SAMD12: variants seen among roughly 807,000 people sequenced by gnomAD.
The protein encoded by SAMD12 is sterile alpha motif domain-containing protein 12.
A neutral mutation model predicts 15.0 loss-of-function variants in SAMD12; 9 were observed. The ratio of observed to expected loss-of-function variants is 0.60; its 90% CI spans 0.36 to 1.05. The LOEUF is 1.05. Ranked by LOEUF, SAMD12 falls within the 50% of genes least tolerant of loss-of-function variation. The pLI, the probability that SAMD12 is intolerant of heterozygous loss-of-function variation, is 0.01. For synonymous variants in SAMD12, 86 were observed against 90.1 expected, an observed-to-expected ratio of 0.96 and a Z score of 0.25; for missense variants, 230 against 234.2, an observed-to-expected ratio of 0.98 and a Z score of 0.12.
Position 118,228,228 on chromosome 8 carries a change from A to G in SAMD12, c.434-30496T>C, listed in dbSNP as rs923559841. Reference sequence around the variant, plus strand: ...CTTGTGGATATTGGCTTGGGCAAGGATTTCATGACCAAGAACCCAAAAGCA... The same window carrying G: ...CTTGTGGATATTGGCTTGGGCAAGGGTTTCATGACCAAGAACCCAAAAGCA... On this transcript the variant is annotated intron_variant, in intron 4 of 4. Coordinates refer to the SAMD12 transcript ENST00000409003. Among the ~76,000 whole-genome samples the G allele has an allele frequency of 2.6e-5, 4 of 152,330 alleles. 1 individual carries two copies.
At chr8:118,290,556 G>T (rs552246196) in intron 4 of SAMD12, among the ~76,000 whole-genome samples, 24 of 152,236 alleles carry the variant, frequency 1.6e-4, no homozygotes, top group African/African-American at 5.8e-4. Context: ...TCACAAATTA[G>T]TCAAAACATC....
intron 1 of SAMD12, among the ~76,000 whole-genome samples, chr8:118,603,099 T>C (rs1416698617): frequency 6.6e-6 from 1 of 151,404 alleles, no homozygotes; most frequent in African/African-American, 2.4e-5. Context: ...AAATAAAAAA[T>C]AACAGATGAA....
intron 2 of SAMD12, among the ~76,000 whole-genome samples, chr8:118,525,883 A>C (rs1825523503): frequency 6.6e-6 from 1 of 152,210 alleles, no homozygotes; most frequent in Admixed American, 6.5e-5. Context: ...CATACCCCAT[A>C]GATGGAGGAC....
chr8:118,168,794 C>T, the SAMD12 span, among the ~76,000 whole-genome samples: 2 of 151,978 alleles, frequency 1.3e-5, no homozygotes, highest in Non-Finnish European at 2.9e-5. Context: ...TGTCAGAAAA[C>T]TGCAATTGCA....
At chr8:118,446,248 T>C (rs2130904080) in intron 2 of SAMD12, among the ~76,000 whole-genome samples, 1 of 152,066 alleles carries the variant, frequency 6.6e-6, no homozygotes, top group African/African-American at 2.4e-5. Context: ...TAGAGGATTT[T>C]TTTCTCTTAA....
chr8:118,393,486 C>A (rs547086803), intron 3 of SAMD12, among the ~76,000 whole-genome samples: 1 of 152,166 alleles, frequency 6.6e-6, no homozygotes, highest in South Asian at 2.1e-4. Context: ...GATCTCCTGG[C>A]CCATCCTCTG....
intron 4 of SAMD12, among the ~76,000 whole-genome samples, chr8:118,331,213 AG>A (rs1816791655): frequency 1.3e-5 from 2 of 152,190 alleles, no homozygotes; most frequent in Non-Finnish European, 2.9e-5. Flanking sequence ...AAAGGAAAAA[AG>A]ATGGACTAAG....
intron 1 of SAMD12, among the ~76,000 whole-genome samples, chr8:118,608,227 G>C (rs1828026769): frequency 6.6e-6 from 1 of 151,284 alleles, no homozygotes; most frequent in South Asian, 2.1e-4. Flanking sequence ...GCCTTTTACT[G>C]CTTGCCAAGC....
At chr8:118,332,853 T>C (rs1816869296) in intron 4 of SAMD12, among the ~76,000 whole-genome samples, 1 of 152,236 alleles carries the variant, frequency 6.6e-6, no homozygotes, top group Non-Finnish European at 1.5e-5. Context: ...TGCTTTCCCT[T>C]GTTAAGTCTC....
rs185596591 is a variant in SAMD12 at position 118,242,862 on chromosome 8, T to A, written c.434-45130A>T. On this transcript the variant is annotated intron_variant, in intron 4 of 4. Transcript: ENST00000409003. The stretch of plus-strand genomic sequence containing the variant: ...ACATTAAAACAGTCAGATACAACTT[T>A]ACATCCATCAGATTGGCCAAAATTA... 1.8e-3 allele frequency among the ~76,000 whole-genome samples: 278 copies of A among 152,272 alleles called. 2 individuals are homozygous for A. Among genetic ancestry groups the A allele is most frequent in the African/African-American group, 6.5e-3 (271 of 41,564 alleles).
At chr8:118,490,692 G>A (rs1397253572) in intron 2 of SAMD12, among the ~76,000 whole-genome samples, 1 of 152,064 alleles carries the variant, frequency 6.6e-6, no homozygotes, top group Non-Finnish European at 1.5e-5. Flanking sequence ...CATCTTCAAG[G>A]CCCAAGGCCA....
At chr8:118,452,507 G>A (rs1299372426) in intron 2 of SAMD12, among the ~76,000 whole-genome samples, 15 of 152,078 alleles carry the variant, frequency 9.9e-5, no homozygotes, top group Non-Finnish European at 1.9e-4. Flanking sequence ...TGCCTCATTA[G>A]CATAATTACT....
At chr8:118,272,321 T>A (rs1244235090) in intron 4 of SAMD12, among the ~76,000 whole-genome samples, 1 of 152,172 alleles carries the variant, frequency 6.6e-6, no homozygotes, top group East Asian at 1.9e-4. Context: ...GAAAACAAGG[T>A]ATCAAGTCTT....
intron 4 of SAMD12, among the ~76,000 whole-genome samples, chr8:118,292,371 C>CACACACACACACACAT (rs1814437255): frequency 1.3e-5 from 2 of 151,358 alleles, no homozygotes; most frequent in African/African-American, 4.9e-5. Flanking sequence ...CACACACACA[C>CACACACACACACACAT]ACACATATTC....
intron 4 of SAMD12, among the ~76,000 whole-genome samples, chr8:118,212,521 AC>A (rs1563697550): frequency 1.3e-5 from 2 of 152,188 alleles, no homozygotes; most frequent in Admixed American, 6.5e-5. Flanking sequence ...CCATAATAAA[AC>A]GAAACACACC....
At chr8:118,178,706 T>C in the SAMD12 span, among the ~76,000 whole-genome samples, 1 of 152,134 alleles carries the variant, frequency 6.6e-6, no homozygotes, top group Non-Finnish European at 1.5e-5. Context: ...CCTCAGGTGA[T>C]CCACCTGCCT....
At chr8:118,612,049 T>C (rs1828125642) in intron 1 of SAMD12, among the ~76,000 whole-genome samples, 1 of 152,206 alleles carries the variant, frequency 6.6e-6, no homozygotes. Flanking sequence ...ACCCCTGCCA[T>C]CCCCAAAACT....
chr8:118,141,230 C>T, the SAMD12 span, among the ~76,000 whole-genome samples: 4 of 152,170 alleles, frequency 2.6e-5, no homozygotes, highest in Non-Finnish European at 5.9e-5. Context: ...AGTTCAGTAG[C>T]CCTTTGTTCA....
rs75181513 is a variant in SAMD12 at position 118,609,887 on chromosome 8, A to G, written c.13+11917T>C. 9.9e-4 allele frequency among the ~76,000 whole-genome samples: 151 copies of G among 152,298 alleles called. No individual in the cohort carries two copies. In the East Asian group the frequency reaches 0.024, roughly 24 times the overall value. On this transcript the variant is annotated intron_variant, in intron 1 of 3. Transcript: ENST00000314727. ...GATAGACAGAGCAGAGCCCCTAGAC[A>G]GCCTTCCTGCCCACACACCCTGCCC...
Sources: gnomAD v4.1 joint callset for allele counts (sites outside exome capture counted in the v4.1 genomes callset) on GRCh38, gnomAD v4.1.1 for gene constraint, MANE v1.5 for transcripts, NCBI Gene and HGNC (gene_info 2026-07-23, HGNC 2026-07-21) for gene names.